The following MACROD2 variants were observed in gnomAD, a reference collection of about 807,000 sequenced individuals.
MACROD2 encodes the protein ADP-ribose glycohydrolase MACROD2.
Under a neutral mutation model 70.4 loss-of-function variants are expected in MACROD2, and 36 were observed. The ratio of observed to expected loss-of-function variants is 0.51; its 90% confidence interval spans 0.39 to 0.68. MACROD2 has a LOEUF of 0.68. MACROD2 is among the 30% of genes least tolerant of loss of function. The pLI, the probability that MACROD2 is intolerant of heterozygous loss-of-function variation, is 0.00. For missense variants in MACROD2, 496 were observed against 538.4 expected (o/e 0.92, Z 0.78); for synonymous variants, 172 against 178.8 (o/e 0.96, Z 0.30).
intron 5 of MACROD2, among the ~76,000 whole-genome samples, chr20:15,117,398 G>A (rs1253872825): frequency 3.3e-5 from 5 of 151,890 alleles, no homozygotes; most frequent in Admixed American, 6.6e-5. Context: ...TGTTTCCTTC[G>A]AAACCCAAAA....
intron 5 of MACROD2, among the ~76,000 whole-genome samples, chr20:14,965,453 C>CTTTTTTTTTT (rs532870999): frequency 1.3e-3 from 86 of 68,080 alleles, no homozygotes; most frequent in Admixed American, 1.7e-3. Context: ...ATTTTTTTTT[C>CTTTTTTTTTT]TTTTTTTTTT....
chr20:15,808,364 A>G (rs2063788170), intron 8 of MACROD2, among the ~76,000 whole-genome samples: 1 of 152,168 alleles, frequency 6.6e-6, no homozygotes, highest in Non-Finnish European at 1.5e-5. Context: ...CATTGTACCT[A>G]TGAATCTGAT....
At chr20:14,472,743 A>G (rs1271487889) in intron 3 of MACROD2, among the ~76,000 whole-genome samples, 1 of 152,244 alleles carries the variant, frequency 6.6e-6, no homozygotes, top group Non-Finnish European at 1.5e-5. Flanking sequence ...ATTGTTAAAT[A>G]GAAATTTGTC....
At chr20:15,538,911 T>A (rs1224905098) in intron 8 of MACROD2, among the ~76,000 whole-genome samples, 2 of 152,094 alleles carry the variant, frequency 1.3e-5, no homozygotes, top group Non-Finnish European at 2.9e-5. Context: ...GAGCTGATTA[T>A]AATTATATGA....
chr20:15,197,211 C>T (rs1345303848), intron 5 of MACROD2, among the ~76,000 whole-genome samples: 3 of 151,916 alleles, frequency 2.0e-5, no homozygotes, highest in South Asian at 4.1e-4. Context: ...GCTTTTTGCT[C>T]AAAGTTTGGT....
intron 15 of MACROD2, among the ~76,000 whole-genome samples, chr20:16,010,313 C>G (rs1299372794): frequency 6.6e-6 from 1 of 152,054 alleles, no homozygotes; most frequent in Non-Finnish European, 1.5e-5. Context: ...TCCCACAGGA[C>G]CAGCATCTTG....
intron 5 of MACROD2, among the ~76,000 whole-genome samples, chr20:14,924,733 A>ACT (rs2074208165): frequency 6.6e-6 from 1 of 152,148 alleles, no homozygotes; most frequent in Non-Finnish European, 1.5e-5. Context: ...TTTAAAAAAC[A>ACT]CTAGGATCTG....
At chr20:14,831,711 C>T (rs1032881399) in intron 5 of MACROD2, among the ~76,000 whole-genome samples, 2 of 119,396 alleles carry the variant, frequency 1.7e-5, no homozygotes, top group East Asian at 2.9e-4. Context: ...ACCGGGAAGG[C>T]GGAGGTTGCA....
At chr20:15,561,856 A>T (rs1179626571) in intron 8 of MACROD2, among the ~76,000 whole-genome samples, 4 of 152,010 alleles carry the variant, frequency 2.6e-5, no homozygotes, top group Middle Eastern at 3.2e-3. Flanking sequence ...AGCTACTGCA[A>T]CATCTCTGCT....
rs533931390 is a variant in MACROD2 at position 15,066,014 on chromosome 20, A to C, written c.419-163926A>C. On this transcript the variant is annotated intron_variant, in intron 5 of 17. Transcript: ENST00000684519. ...AGGTTTGCTCCACATTCTGGGGCCC[A>C]GCTTGGGAGTATTCTATCCGGTGGC... 2.1e-4 allele frequency among the ~76,000 whole-genome samples: 32 copies of C among 151,914 alleles called. No individual in the cohort carries two copies. In the East Asian group the frequency reaches 5.6e-3, roughly 27 times the overall value.
chr20:15,557,841 G>A (rs879704068), intron 8 of MACROD2, among the ~76,000 whole-genome samples: 5 of 152,056 alleles, frequency 3.3e-5, no homozygotes, highest in Admixed American at 2.0e-4. Flanking sequence ...TACCATTGTC[G>A]GGCAATCTGG....
chr20:14,013,703 G>A (rs2052947416), intron 2 of MACROD2, among the ~76,000 whole-genome samples: 1 of 97,640 alleles, frequency 1.0e-5, no homozygotes, highest in Non-Finnish European at 1.9e-5. Flanking sequence ...TTTTTGAGAC[G>A]GAGTTTCGCT....
chr20:15,360,599 G>A (rs1382029709), intron 6 of MACROD2, among the ~76,000 whole-genome samples: 1 of 151,942 alleles, frequency 6.6e-6, no homozygotes, highest in Non-Finnish European at 1.5e-5. Context: ...TTTGGTTGCT[G>A]CTTCATATGA....
intron 7 of MACROD2, among the ~76,000 whole-genome samples, chr20:15,437,738 G>T (rs2046444621): frequency 1.3e-5 from 2 of 152,066 alleles, no homozygotes; most frequent in Admixed American, 1.3e-4. Context: ...ACTTATAAGT[G>T]AGAACATACA....
intron 4 of MACROD2, among the ~76,000 whole-genome samples, chr20:14,654,334 G>C (rs1985854865): frequency 2.6e-5 from 4 of 151,560 alleles, no homozygotes; most frequent in East Asian, 1.9e-4. Context: ...ATCACCTGAG[G>C]TCAGGAGTTC....
chr20:15,683,855 T>C (rs377094864), intron 8 of MACROD2, among the ~76,000 whole-genome samples: 5 of 152,204 alleles, frequency 3.3e-5, no homozygotes, highest in African/African-American at 1.2e-4. Flanking sequence ...GCTGAGATTA[T>C]AGGTGTGAGC....
rs746145349 is a variant in MACROD2, at chr20:14,685,675, G to C, written c.418+716G>C. The stretch of plus-strand genomic sequence containing the variant: ...TTATCCTGTAATCTTCAGGGCCTGA[G>C]GTTGGAGGTAGAGGGTTTCATTGCA... On this transcript the variant is annotated intron_variant, in intron 5 of 17. Transcript: ENST00000684519. Among the ~76,000 whole-genome samples, 70 of 152,168 alleles carry C rather than the reference G, an allele frequency of 4.6e-4. 1 individual carries two copies. Among genetic ancestry groups the C allele is most frequent in the Non-Finnish European group, 1.0e-4 (7 of 68,036 alleles).
intron 5 of MACROD2, among the ~76,000 whole-genome samples, chr20:14,957,987 G>A (rs554384014): frequency 4.6e-5 from 7 of 151,904 alleles, no homozygotes; most frequent in African/African-American, 1.5e-4. Context: ...AAATAATTGC[G>A]GTTTTTGCCA....
At position 14,088,189 on chromosome 20, in the gene MACROD2, C is replaced by T. The variant is rs142762959; in HGVS notation, c.271+2461C>T. ...ACCAAAAATTCAAAAATTAGCCAGG[C>T]GTGGTGGCGTGTGCCTGTAAGTCCC... On this transcript the variant is annotated intron_variant, in intron 3 of 17. Coordinates refer to ENST00000684519, the MANE Select transcript of MACROD2 (RefSeq NM_001351661.2). Among the ~76,000 whole-genome samples the T allele has an allele frequency of 5.4e-3, 827 of 151,782 alleles. 8 individuals are homozygous for T. The highest frequency in any genetic ancestry group is 0.037 in the Middle Eastern group (11 of 294).
Sources: gnomAD v4.1 joint callset for allele counts (sites outside exome capture counted in the v4.1 genomes callset) on GRCh38, gnomAD v4.1.1 for gene constraint, MANE v1.5 for transcripts, NCBI Gene and HGNC (gene_info 2026-07-23, HGNC 2026-07-21) for gene names.